ZNF217: variants seen among roughly 807,000 people sequenced by gnomAD.
ZNF217 encodes zinc finger protein 217.
A neutral mutation model predicts 73.3 loss-of-function variants in ZNF217; 12 were observed. That is an observed-to-expected ratio of 0.16 (90% CI 0.10 to 0.27). The LOEUF is 0.27. Ranked by LOEUF, ZNF217 falls within the 10% of genes least tolerant of loss-of-function variation. ZNF217 has a pLI of 1.00. For missense variants in ZNF217, 1,195 were observed against 1,327.8 expected, an observed-to-expected ratio of 0.90 and a Z score of 1.55; for synonymous variants, 588 against 516.4, an observed-to-expected ratio of 1.14 and a Z score of -1.88.
chr20:53,593,884 G>A (rs1382465255), upstream of ZNF217: 1 of 148,564 alleles, frequency 6.7e-6, no homozygotes, highest in African/African-American at 2.4e-5. Context: ...AGGGCGGAGG[G>A]AGGGAGGGAG....
intron 4 of ZNF217, among the ~76,000 whole-genome samples, chr20:53,574,088 C>A (rs1988136285): frequency 6.6e-6 from 1 of 151,760 alleles, no homozygotes; most frequent in Non-Finnish European, 1.5e-5. Flanking sequence ...AAAAAATCAT[C>A]TCTTCGTTAT....
chr20:53,582,625 T>A lies in ZNF217; in HGVS notation c.202A>T (p.Met68Leu), dbSNP rs1988553919. ...TGTGTGAAGGTCTGGCTGCAGAACA[T>A]GCAATCCAAGGGCATATACCCCTCG... ...QIEGYMPLDC[M>L]FCSQTFTHSE... is the part of the protein sequence containing the mutation. Residue 68 changes from methionine (M) to leucine (L), a missense_variant, in exon 2 of 6, where the codon ATG becomes TTG. Coordinates refer to ENST00000371471, the MANE Select transcript of ZNF217 (RefSeq NM_006526.3). This position sits in a 1 kb window ranked among gnomAD's most constrained non-coding sequence, Gnocchi z 4.8. 1 of 1,614,202 alleles carries A rather than the reference T, an allele frequency of 6.2e-7. No individual in the cohort carries two copies. Among genetic ancestry groups the A allele is most frequent in the Non-Finnish European group, 8.5e-7 (1 of 1,180,038 alleles).
upstream of ZNF217, among the ~76,000 whole-genome samples, chr20:53,594,830 C>A (rs1393099364): frequency 6.6e-6 from 1 of 152,074 alleles, no homozygotes; most frequent in Non-Finnish European, 1.5e-5. Context: ...CGAAAAACAC[C>A]AAAGATTTTC....
At chr20:53,585,297 C>T (rs1988656573) in intron 1 of ZNF217, among the ~76,000 whole-genome samples, 1 of 152,098 alleles carries the variant, frequency 6.6e-6, no homozygotes, top group Admixed American at 6.6e-5. Context: ...TAGTGGCTCA[C>T]ACCTATACTC....
chr20:53,581,761 C>A lies in ZNF217; in HGVS notation c.1066G>T (p.Gly356Cys). 6.2e-7 allele frequency: 1 copy of A among 1,614,220 alleles called. No homozygotes were observed. Among genetic ancestry groups the A allele is most frequent in the Non-Finnish European group, 8.5e-7 (1 of 1,180,034 alleles). Residue 356 changes from glycine to cysteine, a missense_variant, in exon 2 of 6, where the codon GGC becomes TGC. Transcript: ENST00000371471. The surrounding 1 kb of genome is among the most constrained non-coding windows in gnomAD (Gnocchi z 4.9). ...TCCGCGTCCACGGAGGGCGCTTCGC[C>A]GTGGGAGTGTTTGCACTTCTCTTTC... is the stretch of plus-strand genomic sequence containing the variant. ...QEKEKCKHSH[G>C]EAPSVDADPK... is the part of the protein sequence containing the mutation.
chr20:53,587,881 T>C (rs1255944334), intron 1 of ZNF217, among the ~76,000 whole-genome samples: 1 of 150,572 alleles, frequency 6.6e-6, no homozygotes, highest in Non-Finnish European at 1.5e-5. Flanking sequence ...CTACAGGTTT[T>C]TTTATTTTTT....
At position 53,577,062 on chromosome 20, in the gene ZNF217, T is replaced by C. The variant is rs1249435693; in HGVS notation, c.1702A>G (p.Thr568Ala). 6.2e-7 allele frequency: 1 copy of C among 1,614,244 alleles called. No individual in the cohort carries two copies. The highest frequency in any genetic ancestry group is 2.2e-5 in the East Asian group (1 of 44,894). Residue 568 changes from threonine to alanine, a missense_variant, in exon 4 of 6, where the codon ACA (threonine) becomes GCA (alanine). Around this residue, in one of 9 missense-constraint regions of ZNF217, gnomAD observed 649 missense variants for 642.8 expected, o/e 1.01. Coordinates refer to ENST00000371471, the MANE Select transcript of ZNF217 (RefSeq NM_006526.3). ...KRFFDGAKDV[T>A]GSPPAKQLKE... is the part of the protein sequence containing the mutation. ...AGCTGCTTTGCAGGTGGACTGCCTGTAACATCTTTGGCACCATCAAAAAAT... is the reference window on the plus strand; with the variant it reads ...AGCTGCTTTGCAGGTGGACTGCCTGCAACATCTTTGGCACCATCAAAAAAT...
In ZNF217 at chr20:53,576,347, G is replaced by A. The variant is rs768762589; in HGVS notation, c.2417C>T (p.Ser806Leu). The A allele has an allele frequency of 4.6e-5, 74 of 1,614,106 alleles. No homozygotes were observed. Among genetic ancestry groups the A allele is most frequent in the Non-Finnish European group, 5.4e-5 (64 of 1,180,054 alleles). Reference sequence around the variant, plus strand: ...GGCTAAAGTGCTAGAGTCTATCCCTGAAGTCAGAGGGGCCTTGCCTGGCCC... The same window carrying A: ...GGCTAAAGTGCTAGAGTCTATCCCTAAAGTCAGAGGGGCCTTGCCTGGCCC... ...PPGPGKAPLT[S>L]GIDSSTLAPS... Residue 806 changes from serine to leucine, a missense_variant, in exon 4 of 6, where the codon TCA becomes TTA. By Grantham distance (145) the Ser-to-Leu change is moderately radical. Around this residue, in one of 9 missense-constraint regions of ZNF217, gnomAD observed 649 missense variants for 642.8 expected, o/e 1.01. Transcript: ENST00000371471.
rs201769133 is a variant in ZNF217, at chr20:53,575,998, G to A, written c.2766C>T (p.Ser922=). The A allele has an allele frequency of 3.1e-6, 5 of 1,614,190 alleles. No homozygotes were observed. Among genetic ancestry groups the A allele is most frequent in the Non-Finnish European group, 3.4e-6 (4 of 1,180,036 alleles). ...GGTCAACGTCAAGGGCAACCACGCT[G>A]GACTTCAGTCTTTTTGGAAGGGGCT... ...FGEPLPKRLK[S]SVVALDVDQP... is the part of the protein sequence containing the mutation. The change falls in exon 4 of 6, where the codon TCC becomes TCT. Residue 922 remains serine (S), a synonymous_variant. Coordinates refer to ENST00000371471, the MANE Select transcript of ZNF217 (RefSeq NM_006526.3).
intron 5 of ZNF217, among the ~76,000 whole-genome samples, chr20:53,571,408 C>G (rs1015896072): frequency 8.8e-6 from 1 of 113,814 alleles, no homozygotes; most frequent in South Asian, 3.5e-4. Flanking sequence ...CCGCCCCCGC[C>G]CCCCCTTTTT....
chr20:53,576,302 T>G lies in ZNF217; in HGVS notation c.2462A>C (p.His821Pro). The stretch of plus-strand genomic sequence containing the variant: ...GACCCCCACATTCTGCTGTGGTCTG[T>G]GGGACTTCAGGTTACTTGGGGCTAA... ...STLAPSNLKS[H>P]RPQQNVGVQG... The change falls in exon 4 of 6, where the codon CAC (histidine) becomes CCC (proline). Residue 821 changes from histidine to proline, a missense_variant. By Grantham distance (77) the His-to-Pro change is moderately conservative. Coordinates refer to ENST00000371471, the MANE Select transcript of ZNF217 (RefSeq NM_006526.3). 2 of 1,614,226 alleles carry G rather than the reference T, an allele frequency of 1.2e-6. No individual in the cohort carries two copies. Among genetic ancestry groups the G allele is most frequent in the Non-Finnish European group, 1.7e-6 (2 of 1,180,046 alleles).
chr20:53,575,644 G>A, intron 4 of ZNF217, 83 bp downstream of exon 4: 3 of 1,344,244 alleles, frequency 2.2e-6, no homozygotes, highest in East Asian at 2.5e-5. Flanking sequence ...CCTTGGGAGT[G>A]GTACCATCTC....
rs2766676 is a variant in ZNF217, at chr20:53,576,459, A to G, written c.2305T>C (p.Ser769Pro). Reference sequence around the variant, plus strand: ...TTGGGCTTGGGTTTACAGAAACTAGAGAGGGGAGGCACATCTTTTCCCAGC... The same window carrying G: ...TTGGGCTTGGGTTTACAGAAACTAGGGAGGGGAGGCACATCTTTTCCCAGC... ...ALLGKDVPPL[S>P]SFCKPKPKSA... The change falls in exon 4 of 6, where the codon TCT (serine) becomes CCT (proline). Residue 769 changes from serine to proline, a missense_variant. Coordinates refer to ENST00000371471, the MANE Select transcript of ZNF217 (RefSeq NM_006526.3). 2.7e-3 allele frequency: 4,406 copies of G among 1,614,180 alleles called. 11 individuals carry two copies. The highest frequency in any genetic ancestry group is 3.5e-3 in the Non-Finnish European group (4,167 of 1,180,018).
rs1302980210 is a variant in ZNF217, at chr20:53,583,228, G to A, written c.-342-60C>T. 1.7e-5 allele frequency: 7 copies of A among 404,486 alleles called. No homozygotes were observed. The East Asian group carries it at 2.5e-4, about 14-fold the overall frequency. The allele number at this position is 404,486 out of a possible 1,614,324, so 25.1% of individuals were successfully genotyped here. ...TCAGAGCGAAGAGAAGGCTGGTGTGGGTGAGTCATACGGTCTTTTCCACGC... is the reference window on the plus strand; with the variant it reads ...TCAGAGCGAAGAGAAGGCTGGTGTGAGTGAGTCATACGGTCTTTTCCACGC... On this transcript the variant is annotated intron_variant, in intron 1 of 5. Coordinates refer to ENST00000371471, the MANE Select transcript of ZNF217 (RefSeq NM_006526.3).
At chr20:53,578,266 A>C in intron 3 of ZNF217, 68 bp downstream of exon 3, 1 of 1,115,804 alleles carries the variant, frequency 9.0e-7, no homozygotes, top group Non-Finnish European at 1.3e-6. Context: ...TCTGAACAAC[A>C]ACAACAAAAA....
chr20:53,589,201 T>C (rs1988798855), intron 1 of ZNF217, among the ~76,000 whole-genome samples: 1 of 152,204 alleles, frequency 6.6e-6, no homozygotes, highest in South Asian at 2.1e-4. Flanking sequence ...GGAGCTTTTC[T>C]ATAGGAAGTA....
At chr20:53,596,294 G>T (rs1024954838), upstream of ZNF217, among the ~76,000 whole-genome samples, 3 of 151,736 alleles carry the variant, frequency 2.0e-5, no homozygotes, top group African/African-American at 7.3e-5. Context: ...ACTGAAAGAT[G>T]ATTATAATTC....
At chr20:53,575,521 T>G in intron 4 of ZNF217, 1 of 530,410 alleles carries the variant, frequency 1.9e-6, no homozygotes, top group East Asian at 3.0e-5. Context: ...ATACACAGGG[T>G]TAAGAGTTAA....
At chr20:53,575,576 G>GT in intron 4 of ZNF217, 151 bp downstream of exon 4, 2 of 676,142 alleles carry the variant, frequency 3.0e-6, no homozygotes, top group Non-Finnish European at 4.8e-6. Flanking sequence ...AACCACTGCC[G>GT]TATCTAAGAA....
Sources: gnomAD v4.1 joint callset for allele counts (sites outside exome capture counted in the v4.1 genomes callset) on GRCh38, gnomAD v4.1.1 for gene constraint, gnomAD v4.1.1 regional missense constraint, Gnocchi (gnomAD v3.1) non-coding constraint, MANE v1.5 for transcripts, NCBI Gene and HGNC (gene_info 2026-07-23, HGNC 2026-07-21) for gene names.